Variants in CREBBP observed in about 807,000 individuals in gnomAD.
CREBBP encodes CREB binding lysine acetyltransferase.
In CREBBP, 19 loss-of-function variants were observed where a neutral mutation model predicts 265.0. The observed-to-expected ratio is 0.07, with a 90% CI of 0.05 to 0.11. The LOEUF (loss-of-function observed/expected upper bound fraction) is 0.11. CREBBP is among the 10% of genes least tolerant of loss of function. CREBBP has a pLI of 1.00. For missense variants in CREBBP, 2,525 were observed against 3,219.0 expected (o/e 0.78, Z 5.22); for synonymous variants, 1,457 against 1,223.7 (o/e 1.19, Z -3.98).
At chr16:3,779,753 C>T (rs1421682629) in intron 8 of CREBBP, among the ~76,000 whole-genome samples, 1 of 152,012 alleles carries the variant, frequency 6.6e-6, no homozygotes, top group Non-Finnish European at 1.5e-5. Context: ...AAAATTTGAT[C>T]AAAATAAGGA....
intron 2 of CREBBP, among the ~76,000 whole-genome samples, chr16:3,820,943 C>T (rs866611094): frequency 2.6e-5 from 4 of 152,134 alleles, no homozygotes; most frequent in Non-Finnish European, 5.9e-5. Flanking sequence ...GAAACCGGCA[C>T]CCTAATACTA....
chr16:3,806,685 A>ACTT (rs1046381288), intron 3 of CREBBP, among the ~76,000 whole-genome samples: 1 of 151,968 alleles, frequency 6.6e-6, no homozygotes, highest in African/African-American at 2.4e-5. Flanking sequence ...TCGCCCTTGA[A>ACTT]CTTCTCCTCC....
chr16:3,779,492 C>T (rs1278931349), intron 8 of CREBBP, among the ~76,000 whole-genome samples: 1 of 152,160 alleles, frequency 6.6e-6, no homozygotes, highest in African/African-American at 2.4e-5. Flanking sequence ...CTTCCAATGC[C>T]ATCAAATAAG....
chr16:3,850,644 G>C lies in CREBBP; in HGVS notation c.451C>G (p.Leu151Val), dbSNP rs377694036. Reference protein sequence around the residue: ...SGPTPAASQALNPQAQKQVGL... With the variant: ...SGPTPAASQAVNPQAQKQVGL... ...ACTTGCTTTTGTGCTTGCGGATTCA[G>C]TGCTTGGGAGGCAGCGGGGGTGGGC... The change falls in exon 2 of 31, where the codon CTG becomes GTG. Residue 151 changes from leucine to valine, a missense_variant. Transcript: ENST00000262367. 4 of 1,614,136 alleles carry C rather than the reference G, an allele frequency of 2.5e-6. No individual in the cohort carries two copies. The highest frequency in any genetic ancestry group is 4.5e-5 in the East Asian group (2 of 44,902).
intron 14 of CREBBP, 84 bp downstream of exon 14, chr16:3,770,486 G>A (rs930694950): frequency 4.7e-6 from 7 of 1,483,172 alleles, no homozygotes; most frequent in East Asian, 2.3e-5. Context: ...GTGAACCACC[G>A]CGCCTGGCCT....
intron 16 of CREBBP, among the ~76,000 whole-genome samples, chr16:3,763,367 C>T (rs1455856773): frequency 6.6e-6 from 1 of 152,094 alleles, no homozygotes; most frequent in Non-Finnish European, 1.5e-5. Flanking sequence ...CACCATGTTG[C>T]CCAGGCTGGT....
intron 19 of CREBBP, among the ~76,000 whole-genome samples, chr16:3,754,792 T>C (rs1160740201): frequency 6.6e-6 from 1 of 152,250 alleles, no homozygotes; most frequent in Non-Finnish European, 1.5e-5. Flanking sequence ...AGGGTTTCAC[T>C]TGTTTAAATG....
rs968405759 is a variant in CREBBP, at chr16:3,826,216, G to C, written c.799-15437C>G. ...TGACAGAGCCAGACCCAGTCTCGGC[G>C]GGCGGGGAGCAAGATGAATACATAT... On this transcript the variant is annotated intron_variant, in intron 2 of 30. Coordinates refer to ENST00000262367, the MANE Select transcript of CREBBP (RefSeq NM_004380.3). Among the ~76,000 whole-genome samples, 2 of 152,266 alleles carry C rather than the reference G, an allele frequency of 1.3e-5. 1 individual carries two copies. The highest frequency in any genetic ancestry group is 6.8e-3 in the Middle Eastern group (2 of 294).
rs764200811 is a variant in CREBBP, at chr16:3,850,777, C to G, written c.318G>C (p.Gln106His). 27 of 1,613,996 alleles carry G rather than the reference C, an allele frequency of 1.7e-5. No individual in the cohort carries two copies. Among genetic ancestry groups the G allele is most frequent in the Non-Finnish European group, 2.2e-5 (26 of 1,180,050 alleles). Residue 106 changes from glutamine (Q) to histidine (H), a missense_variant, in exon 2 of 31, where the codon CAG becomes CAC. Gln to His is a conservative substitution (Grantham distance 24, BLOSUM62 0). Transcript: ENST00000262367. ...QQGLGGQAQGQPNSANMASLS... is the reference protein window; with the variant it reads ...QQGLGGQAQGHPNSANMASLS... ...GGCTGGCCATGTTAGCACTGTTCGG[C>G]TGCCCTTGAGCCTGGCCACCCAGGC... is the stretch of plus-strand genomic sequence containing the variant.
At chr16:3,749,795 T>C in intron 20 of CREBBP, 112 bp from the exon 21 acceptor site, 1 of 677,980 alleles carries the variant, frequency 1.5e-6, no homozygotes, top group Non-Finnish European at 2.6e-6. Flanking sequence ...CAAAAAGACA[T>C]GATGGCCCCT....
chr16:3,823,957 A>AACACACACAC (rs57902688), intron 2 of CREBBP, among the ~76,000 whole-genome samples: 126 of 148,134 alleles, frequency 8.5e-4, no homozygotes, highest in African/African-American at 2.3e-3. Context: ...AGGCTGTGGC[A>AACACACACAC]ACACACACAC....
At chr16:3,798,578 T>C (rs1329893968) in intron 3 of CREBBP, among the ~76,000 whole-genome samples, 2 of 152,182 alleles carry the variant, frequency 1.3e-5, no homozygotes, top group African/African-American at 4.8e-5. Context: ...TGAAAAGATG[T>C]TGAACCTTAT....
intron 13 of CREBBP, among the ~76,000 whole-genome samples, chr16:3,772,279 G>C (rs1447145670): frequency 2.1e-5 from 3 of 145,364 alleles, no homozygotes; most frequent in Admixed American, 6.9e-5. Context: ...ACATCCATAA[G>C]TACCCTTAAC....
chr16:3,734,978 G>C (rs1221552836), intron 28 of CREBBP, among the ~76,000 whole-genome samples: 1 of 152,068 alleles, frequency 6.6e-6, no homozygotes, highest in Non-Finnish European at 1.5e-5. Flanking sequence ...GGTCACAATC[G>C]CCTGTCCCAA....
chr16:3,867,618 T>C (rs2055202843), intron 1 of CREBBP, among the ~76,000 whole-genome samples: 1 of 151,868 alleles, frequency 6.6e-6, no homozygotes, highest in Non-Finnish European at 1.5e-5. Context: ...AAGACTTAAT[T>C]AATTAAAAGA....
intron 1 of CREBBP, among the ~76,000 whole-genome samples, chr16:3,861,318 G>A (rs184333852): frequency 7.2e-5 from 11 of 152,302 alleles, no homozygotes; most frequent in Non-Finnish European, 1.0e-4. Flanking sequence ...CACCTGCTTC[G>A]CAGGATCGTT....
intron 7 of CREBBP, 136 bp from the exon 8 acceptor site, chr16:3,781,014 A>G: frequency 8.6e-7 from 1 of 1,156,424 alleles, no homozygotes; most frequent in South Asian, 1.3e-5. Flanking sequence ...AATAAATAAA[A>G]CTTAAACTAT....
intron 5 of CREBBP, among the ~76,000 whole-genome samples, chr16:3,785,853 T>C (rs2053374362): frequency 6.6e-6 from 1 of 152,204 alleles, no homozygotes; most frequent in African/African-American, 2.4e-5. Flanking sequence ...ACTAACACAG[T>C]GGCTGGGTTC....
chr16:3,770,874 G>A lies in CREBBP; in HGVS notation c.2576C>T (p.Pro859Leu), dbSNP rs1348448638. ...TQSPLHPTPP[P>L]ASTAAGMPSL... ...TGGCATGCCAGCAGCCGTGGAAGCAGGAGGCGGTGTTGGGTGCAGTGGTGA... is the reference window on the plus strand; with the variant it reads ...TGGCATGCCAGCAGCCGTGGAAGCAAGAGGCGGTGTTGGGTGCAGTGGTGA... The change falls in exon 14 of 31, where the codon CCT becomes CTT. Residue 859 changes from proline (P) to leucine (L), a missense_variant. Physicochemically the swap from Pro to Leu is moderately conservative, Grantham distance 98. Around this residue, in one of 19 missense-constraint regions of CREBBP, gnomAD observed 548 missense variants for 533.0 expected, o/e 1.03. Transcript: ENST00000262367. 6.2e-7 allele frequency: 1 copy of A among 1,613,936 alleles called. No homozygotes were observed. Among genetic ancestry groups the A allele is most frequent in the East Asian group, 2.2e-5 (1 of 44,874 alleles).
Sources: gnomAD v4.1 joint callset for allele counts (sites outside exome capture counted in the v4.1 genomes callset) on GRCh38, gnomAD v4.1.1 for gene constraint, gnomAD v4.1.1 regional missense constraint, MANE v1.5 for transcripts, NCBI Gene and HGNC (gene_info 2026-07-23, HGNC 2026-07-21) for gene names.